Variants in BICDL1 observed in about 807,000 individuals in gnomAD.
BICDL1 encodes BICD family-like cargo adapter 1.
Under a neutral mutation model 76.8 loss-of-function variants are expected in BICDL1, and 20 were observed. The observed-to-expected ratio is 0.26, with a 90% CI of 0.18 to 0.38. The LOEUF (loss-of-function observed/expected upper bound fraction) is 0.38, where lower values mean the gene tolerates loss of function less well. Among genes scored for constraint, BICDL1 ranks in the 10% least tolerant of loss-of-function variants. The pLI, the probability that BICDL1 is intolerant of heterozygous loss-of-function variation, is 1.00. For missense variants in BICDL1, 700 were observed against 798.6 expected (o/e 0.88, Z 1.49); for synonymous variants, 383 against 337.1 (o/e 1.14, Z -1.49).
intron 2 of BICDL1, among the ~76,000 whole-genome samples, chr12:120,013,165 T>C (rs542964515): frequency 2.8e-4 from 42 of 151,820 alleles, no homozygotes; most frequent in Non-Finnish European, 5.4e-4. Flanking sequence ...ACAAAAAAAA[T>C]TAGCCGGGTC....
At chr12:120,021,888 G>C (rs1436731492) in intron 2 of BICDL1, among the ~76,000 whole-genome samples, 2 of 150,228 alleles carry the variant, frequency 1.3e-5, no homozygotes, top group African/African-American at 4.9e-5. Context: ...CTATGCAACA[G>C]AGCGAGGCTC....
chr12:120,093,013 G>A lies in BICDL1; in HGVS notation c.1718G>A (p.Arg573Lys), dbSNP rs532167417. 5 of 1,571,390 alleles carry A rather than the reference G, an allele frequency of 3.2e-6. No homozygotes were observed. In the East Asian group the frequency reaches 9.0e-5, roughly 28 times the overall value. ...QLEAWQDDMH[R>K]VIDRQLMDTH... ...TCCCCTCTGCAGGATGACATGCACA[G>A]GGTCATTGACCGGCAGCTGATGGAC... Residue 573 changes from arginine (R) to lysine (K), a missense_variant, in exon 10 of 10, where the codon AGG (arginine) becomes AAG (lysine). Physicochemically the swap from Arg to Lys is conservative, Grantham distance 26. Transcript: ENST00000548673.
At chr12:119,990,342 A>C in intron 1 of BICDL1, 45 bp downstream of exon 1, 1 of 1,542,664 alleles carries the variant, frequency 6.5e-7, no homozygotes, top group Non-Finnish European at 8.7e-7. Context: ...GGGGCCGCCC[A>C]GGCACGCGCC....
At position 120,071,220 on chromosome 12, in the gene BICDL1, G is replaced by A. The variant is rs189411403; in HGVS notation, c.910-402G>A. Among the ~76,000 whole-genome samples the A allele has an allele frequency of 2.2e-4, 33 of 151,530 alleles. No homozygotes were observed. Among genetic ancestry groups the A allele is most frequent in the Admixed American group, 7.2e-4 (11 of 15,212 alleles). ...TGCAATGGCGTGATCTTAGCTCATT[G>A]CAACGTCCGCCTCCTGGGTTCAAGC... On this transcript the variant is annotated intron_variant, in intron 4 of 9. Transcript: ENST00000548673. This position sits in a 1 kb window ranked among gnomAD's most constrained non-coding sequence, Gnocchi z 4.8.
At chr12:120,022,003 A>G (rs1395735794) in intron 2 of BICDL1, among the ~76,000 whole-genome samples, 2 of 150,938 alleles carry the variant, frequency 1.3e-5, no homozygotes, top group Non-Finnish European at 3.0e-5. Context: ...AAAGTAAAAT[A>G]AAATAATGAC....
Position 120,022,423 on chromosome 12 carries a change from T to TA in BICDL1, c.645+23687_645+23688insA, listed in dbSNP as rs538998716. ...TTAAAAATATATATTTATATATATA[T>TA]TTTTTATATTATATATAATATATGT... On this transcript the variant is annotated intron_variant, in intron 2 of 9. Coordinates refer to ENST00000548673, the MANE Select transcript of BICDL1 (RefSeq NM_001367886.1). Among the ~76,000 whole-genome samples the TA allele has an allele frequency of 1.0e-3, 150 of 147,184 alleles. 1 individual carries two copies. In the East Asian group the frequency reaches 0.016, roughly 16 times the overall value.
intron 2 of BICDL1, among the ~76,000 whole-genome samples, chr12:120,051,403 C>G (rs1373657339): frequency 6.6e-6 from 1 of 152,192 alleles, no homozygotes; most frequent in Non-Finnish European, 1.5e-5. Flanking sequence ...GTCTTATAGT[C>G]TATATCTGAT....
chr12:120,060,430 A>G (rs931192110), intron 2 of BICDL1, among the ~76,000 whole-genome samples: 2 of 152,318 alleles, frequency 1.3e-5, no homozygotes, highest in Admixed American at 6.5e-5. Context: ...TTCATTTCCA[A>G]TAAGTTACTT....
intron 7 of BICDL1, among the ~76,000 whole-genome samples, chr12:120,075,568 A>G (rs937129491): frequency 1.3e-4 from 19 of 151,970 alleles, no homozygotes; most frequent in Non-Finnish European, 2.6e-4. Flanking sequence ...AATTTTTTGT[A>G]GAGATGAGGG....
chr12:120,019,121 C>T (rs925119805), intron 2 of BICDL1: 13 of 151,670 alleles, frequency 8.6e-5, no homozygotes, highest in Admixed American at 3.3e-4. Context: ...AGCGGGGGAC[C>T]GCCAGCTTGC....
At chr12:120,069,048 G>A (rs1444505308) in intron 4 of BICDL1, among the ~76,000 whole-genome samples, 1 of 152,070 alleles carries the variant, frequency 6.6e-6, no homozygotes, top group Non-Finnish European at 1.5e-5. Flanking sequence ...CTAAGCTTCA[G>A]TTTTATCCTG....
intron 2 of BICDL1, among the ~76,000 whole-genome samples, chr12:120,050,424 G>A (rs753177354): frequency 7.3e-5 from 11 of 150,702 alleles, no homozygotes; most frequent in East Asian, 2.0e-4. Flanking sequence ...CCGCCACCAC[G>A]CCCAGCTAAT....
intron 2 of BICDL1, among the ~76,000 whole-genome samples, chr12:120,007,729 C>A (rs562706079): frequency 7.9e-5 from 12 of 152,222 alleles, no homozygotes; most frequent in Non-Finnish European, 1.6e-4. Flanking sequence ...GGATTAGCAA[C>A]TCTGCGTCTG....
At chr12:120,045,663 G>A (rs1000622528) in intron 2 of BICDL1, among the ~76,000 whole-genome samples, 4 of 150,584 alleles carry the variant, frequency 2.7e-5, no homozygotes, top group South Asian at 2.1e-4. Flanking sequence ...GTAAACTATC[G>A]CAAGAACAAA....
chr12:120,016,050 A>G (rs1222409896), intron 2 of BICDL1, among the ~76,000 whole-genome samples: 16 of 152,290 alleles, frequency 1.1e-4, no homozygotes, highest in African/African-American at 2.9e-4. Context: ...TTCTGCATTC[A>G]GTCTTCACTC....
At chr12:120,028,506 A>C in intron 2 of BICDL1, among the ~76,000 whole-genome samples, 1 of 151,918 alleles carries the variant, frequency 6.6e-6, no homozygotes, top group East Asian at 1.9e-4. Context: ...GAAACCTTGT[A>C]TCTACTAAAA....
intron 2 of BICDL1, among the ~76,000 whole-genome samples, chr12:120,015,246 ACCTT>A (rs1228129086): frequency 2.6e-5 from 4 of 152,194 alleles, no homozygotes; most frequent in African/African-American, 9.7e-5. Context: ...ATTGTCAGAT[ACCTT>A]CCTCTTTGGA....
intron 2 of BICDL1, among the ~76,000 whole-genome samples, chr12:120,001,068 G>C (rs920028581): frequency 1.3e-5 from 2 of 151,626 alleles, no homozygotes; most frequent in East Asian, 1.9e-4. Flanking sequence ...ATAGGCCCTT[G>C]GTGAGTTTTA....
chr12:120,071,168 C>T lies in BICDL1; in HGVS notation c.910-454C>T, dbSNP rs191320719. 4.0e-5 allele frequency among the ~76,000 whole-genome samples: 6 copies of T among 150,936 alleles called. No homozygotes were observed. Among genetic ancestry groups the T allele is most frequent in the Admixed American group, 6.6e-5 (1 of 15,144 alleles). On this transcript the variant is annotated intron_variant, in intron 4 of 9. Transcript: ENST00000548673. The surrounding 1 kb of genome is among the most constrained non-coding windows in gnomAD (Gnocchi z 4.8). The stretch of plus-strand genomic sequence containing the variant: ...TTTCTTTTTTTCTTTTTTGAGGTGG[C>T]GTCTCGCACTGTCACCCAGGTTGGA...
Sources: allele counts gnomAD v4.1 joint callset (sites outside exome capture counted in the v4.1 genomes callset), GRCh38; gene constraint gnomAD v4.1.1; non-coding constraint Gnocchi (gnomAD v3.1); transcripts MANE v1.5; gene names NCBI Gene and HGNC (gene_info 2026-07-23, HGNC 2026-07-21).